Variants in JAM2 observed in about 807,000 individuals in gnomAD.
The protein encoded by JAM2 is junctional adhesion molecule 2, also known as junctional adhesion molecule B.
In JAM2, 17 loss-of-function variants were observed where a neutral mutation model predicts 42.0. That is an observed-to-expected ratio of 0.40 (90% CI 0.28 to 0.61). The LOEUF is 0.61. JAM2 is among the 20% of genes least tolerant of loss of function. The probability of loss-of-function intolerance (pLI) is 0.37; values close to 1 mark genes in which losing one functional copy is unlikely to be tolerated. For missense variants in JAM2, 319 were observed against 358.3 expected, an observed-to-expected ratio of 0.89 and a Z score of 0.89; for synonymous variants, 118 against 128.6, an observed-to-expected ratio of 0.92 and a Z score of 0.56.
At chr21:25,684,655 T>G (rs2033710324) in intron 2 of JAM2, among the ~76,000 whole-genome samples, 1 of 152,078 alleles carries the variant, frequency 6.6e-6, no homozygotes, top group Non-Finnish European at 1.5e-5. Context: ...CACACTGGAG[T>G]GCAGTGTGGC....
intron 7 of JAM2, among the ~76,000 whole-genome samples, chr21:25,706,721 T>C (rs565493773): frequency 1.3e-5 from 2 of 152,220 alleles, no homozygotes; most frequent in South Asian, 4.2e-4. Flanking sequence ...TATAGTATCT[T>C]TGCATGTTTT....
At chr21:25,655,459 C>T (rs904840047) in intron 1 of JAM2, among the ~76,000 whole-genome samples, 1 of 134,664 alleles carries the variant, frequency 7.4e-6, no homozygotes, top group African/African-American at 2.8e-5. Flanking sequence ...AGTGAATTTA[C>T]TTGAAATATT....
At chr21:25,653,579 G>C (rs1373703212) in intron 1 of JAM2, among the ~76,000 whole-genome samples, 1 of 152,196 alleles carries the variant, frequency 6.6e-6, no homozygotes, top group African/African-American at 2.4e-5. Context: ...TGGCAAGAAG[G>C]ACAATGCCAA....
rs3838068 is a variant in JAM2 at position 25,706,175 on chromosome 21, T to TTTTG, written c.805+105_805+108dup. The TTTTG allele has an allele frequency of 1.5e-4, 128 of 860,914 alleles. 3 individuals carry two copies. The East Asian group carries it at 3.0e-3, about 20-fold the overall frequency. The allele number at this position is 860,914 out of a possible 1,614,324, so 53.3% of individuals were successfully genotyped here. A position where few individuals can be genotyped will look rare whatever the true frequency, so the allele number is the denominator to read the frequency against. The stretch of plus-strand genomic sequence containing the variant: ...TACTGTTTCTCCTAGGAAGTTGTTT[T>TTTTG]TTTGTTTGTTTGTTTGTTTTTCAGA... On this transcript the variant is annotated intron_variant, in intron 7 of 9. Coordinates refer to ENST00000480456, the MANE Select transcript of JAM2 (RefSeq NM_021219.4).
At chr21:25,683,652 C>T (rs1397681089) in intron 1 of JAM2, among the ~76,000 whole-genome samples, 1 of 152,038 alleles carries the variant, frequency 6.6e-6, no homozygotes, top group Non-Finnish European at 1.5e-5. Flanking sequence ...CAAATAGATG[C>T]ATGGATTCTA....
At chr21:25,665,523 A>G (rs1250905695) in intron 1 of JAM2, among the ~76,000 whole-genome samples, 1 of 152,136 alleles carries the variant, frequency 6.6e-6, no homozygotes. Context: ...ATGTACATAT[A>G]TGTATATAAA....
intron 1 of JAM2, among the ~76,000 whole-genome samples, chr21:25,673,274 A>T (rs1241382226): frequency 2.0e-5 from 3 of 152,178 alleles, no homozygotes; most frequent in Non-Finnish European, 2.9e-5. Flanking sequence ...TCTCTTTCTA[A>T]TATCACTGAA....
intron 5 of JAM2, 69 bp from the exon 6 acceptor site, chr21:25,702,101 C>A: frequency 1.3e-6 from 1 of 750,680 alleles, no homozygotes. Flanking sequence ...ATTTGAGGGA[C>A]AGGGTTATTT....
chr21:25,651,757 G>A (rs1000330126), intron 1 of JAM2, among the ~76,000 whole-genome samples: 2 of 152,168 alleles, frequency 1.3e-5, no homozygotes, highest in Non-Finnish European at 2.9e-5. Flanking sequence ...TAGGGGATTG[G>A]CTAAATAAAT....
At chr21:25,710,995 A>G (rs1002220713) in intron 8 of JAM2, among the ~76,000 whole-genome samples, 1 of 152,198 alleles carries the variant, frequency 6.6e-6, no homozygotes, top group Non-Finnish European at 1.5e-5. Flanking sequence ...TGTTTTGGAT[A>G]TAATGTTTTA....
At chr21:25,670,754 C>T (rs569937592) in intron 1 of JAM2, among the ~76,000 whole-genome samples, 1 of 152,350 alleles carries the variant, frequency 6.6e-6, no homozygotes, top group East Asian at 1.9e-4. Flanking sequence ...CCTGGATTTA[C>T]AGGACCCAAG....
chr21:25,694,609 C>T (rs2033954739), intron 4 of JAM2, among the ~76,000 whole-genome samples: 1 of 152,024 alleles, frequency 6.6e-6, no homozygotes, highest in Non-Finnish European at 1.5e-5. Flanking sequence ...GTGAGAGGAT[C>T]CCTTGAGGTC....
At chr21:25,708,483 G>C (rs775673858) in intron 7 of JAM2, among the ~76,000 whole-genome samples, 3 of 152,170 alleles carry the variant, frequency 2.0e-5, no homozygotes, top group East Asian at 3.9e-4. Flanking sequence ...TAGGAGGATC[G>C]CTTGAGCGCA....
intron 1 of JAM2, among the ~76,000 whole-genome samples, chr21:25,645,718 T>C (rs527444935): frequency 2.0e-5 from 3 of 152,338 alleles, no homozygotes; most frequent in African/African-American, 7.2e-5. Context: ...TGTGTGATCA[T>C]AGAGTGTACT....
At chr21:25,703,006 C>T (rs982747805) in intron 6 of JAM2, among the ~76,000 whole-genome samples, 1 of 152,156 alleles carries the variant, frequency 6.6e-6, no homozygotes, top group Admixed American at 6.5e-5. Flanking sequence ...GCATGCCCAC[C>T]GCACCCAGCT....
At chr21:25,673,925 T>C (rs1165250734) in intron 1 of JAM2, among the ~76,000 whole-genome samples, 1 of 152,228 alleles carries the variant, frequency 6.6e-6, no homozygotes, top group Non-Finnish European at 1.5e-5. Context: ...GTTTTCATTG[T>C]AGTGAATAAG....
At position 25,693,868 on chromosome 21, in the gene JAM2, C is replaced by T. The variant is rs1175160514; in HGVS notation, c.354C>T (p.Gly118=). 1 of 1,614,006 alleles carries T rather than the reference C, an allele frequency of 6.2e-7. No homozygotes were observed. The highest frequency in any genetic ancestry group is 1.1e-5 in the South Asian group (1 of 91,082). The change falls in exon 4 of 10, where the codon GGC becomes GGT. Residue 118 remains glycine (G), a synonymous_variant. Transcript: ENST00000480456. The stretch of plus-strand genomic sequence containing the variant: ...AAGTTAGTGCCCCATCTGAGCAAGG[C>T]CAAAACCTGGAAGAGGATACAGTCA... ...RCEVSAPSEQ[G]QNLEEDTVTL... is the part of the protein sequence containing the mutation.
chr21:25,707,285 C>G (rs2034292540), intron 7 of JAM2, among the ~76,000 whole-genome samples: 1 of 151,842 alleles, frequency 6.6e-6, no homozygotes. Flanking sequence ...AGTTCGAGAC[C>G]AGCCTGGCCA....
chr21:25,681,767 G>A (rs895438649), intron 1 of JAM2, among the ~76,000 whole-genome samples: 2 of 151,296 alleles, frequency 1.3e-5, no homozygotes, highest in South Asian at 4.1e-4. Context: ...TGGATCAGGA[G>A]GTCAGGAGAT....
Sources: gnomAD v4.1 joint callset for allele counts (sites outside exome capture counted in the v4.1 genomes callset) on GRCh38, gnomAD v4.1.1 for gene constraint, MANE v1.5 for transcripts, NCBI Gene and HGNC (gene_info 2026-07-23, HGNC 2026-07-21) for gene names.